Variants in LRRC4C observed in about 807,000 individuals in gnomAD.
LRRC4C encodes leucine rich repeat containing 4C, also known as leucine-rich repeat-containing protein 4C.
Under a neutral mutation model 33.6 loss-of-function variants are expected in LRRC4C, and 5 were observed. That is an observed-to-expected ratio of 0.15 (90% CI 0.08 to 0.31). LRRC4C has a LOEUF of 0.31. Among genes scored for constraint, LRRC4C ranks in the 10% least tolerant of loss-of-function variants. The probability of loss-of-function intolerance (pLI) is 1.00; values close to 1 mark genes in which losing one functional copy is unlikely to be tolerated. For synonymous variants in LRRC4C, 329 were observed against 302.0 expected, an observed-to-expected ratio of 1.09 and a Z score of -0.93; for missense variants, 560 against 796.7, an observed-to-expected ratio of 0.70 and a Z score of 3.58.
intron 2 of LRRC4C, among the ~76,000 whole-genome samples, chr11:40,711,292 G>T (rs1946453676): frequency 6.6e-6 from 1 of 152,166 alleles, no homozygotes; most frequent in Non-Finnish European, 1.5e-5. Context: ...ACTGGGAGCT[G>T]CAGATGGGAG....
chr11:41,009,357 A>C (rs1855004529), intron 1 of LRRC4C, among the ~76,000 whole-genome samples: 1 of 152,188 alleles, frequency 6.6e-6, no homozygotes, highest in South Asian at 2.1e-4. Context: ...CTCTAAACAT[A>C]TTGGATCTGA....
intron 3 of LRRC4C, among the ~76,000 whole-genome samples, chr11:40,604,705 AT>A (rs1288791785): frequency 3.9e-5 from 6 of 152,154 alleles, no homozygotes; most frequent in Admixed American, 3.9e-4. Flanking sequence ...TATTTAATAA[AT>A]ATTCTGCTTG....
intron 1 of LRRC4C, among the ~76,000 whole-genome samples, chr11:40,942,682 T>C (rs1486694342): frequency 6.6e-6 from 1 of 152,074 alleles, no homozygotes; most frequent in African/African-American, 2.4e-5. Flanking sequence ...TAATGTGGGA[T>C]TATTGAAGGA....
intron 5 of LRRC4C, among the ~76,000 whole-genome samples, chr11:40,218,692 A>AATCTATCT (rs3041085): frequency 0.21 from 29,281 of 139,842 alleles, 3,505 homozygotes; most frequent in Non-Finnish European, 0.26. Flanking sequence ...AATGATAAAG[A>AATCTATCT]ATCTATCTAT....
At chr11:40,813,201 T>A (rs1339275383) in intron 2 of LRRC4C, among the ~76,000 whole-genome samples, 1 of 152,182 alleles carries the variant, frequency 6.6e-6, no homozygotes, top group Non-Finnish European at 1.5e-5. Flanking sequence ...TACATGCCTG[T>A]ATTAGTCTGT....
intron 2 of LRRC4C, among the ~76,000 whole-genome samples, chr11:40,749,291 T>C (rs749077893): frequency 1.3e-4 from 20 of 151,986 alleles, no homozygotes; most frequent in Admixed American, 3.3e-4. Flanking sequence ...CACAATGGAA[T>C]AAAATGAGAT....
chr11:40,262,185 C>G (rs567174838), intron 4 of LRRC4C, among the ~76,000 whole-genome samples: 9 of 152,076 alleles, frequency 5.9e-5, no homozygotes, highest in African/African-American at 1.9e-4. Context: ...TTAAGAGACA[C>G]TTCTCAAAAG....
At chr11:40,548,857 T>C (rs1298164544) in intron 3 of LRRC4C, among the ~76,000 whole-genome samples, 1 of 152,180 alleles carries the variant, frequency 6.6e-6, no homozygotes, top group Admixed American at 6.5e-5. Flanking sequence ...GTACTCCCTG[T>C]ACCCACCTGC....
At chr11:40,282,592 A>G (rs1455413407) in intron 4 of LRRC4C, among the ~76,000 whole-genome samples, 1 of 152,170 alleles carries the variant, frequency 6.6e-6, no homozygotes, top group Non-Finnish European at 1.5e-5. Flanking sequence ...TAAACTGGAA[A>G]TAATCTAAAA....
At chr11:40,260,637 G>A (rs549628090) in intron 4 of LRRC4C, among the ~76,000 whole-genome samples, 42 of 152,072 alleles carry the variant, frequency 2.8e-4, no homozygotes, top group South Asian at 1.2e-3. Flanking sequence ...AAAAGCTCCC[G>A]TCCAAGGAGC....
intron 3 of LRRC4C, among the ~76,000 whole-genome samples, chr11:40,627,427 A>G (rs1963061368): frequency 6.6e-6 from 1 of 152,208 alleles, no homozygotes; most frequent in African/African-American, 2.4e-5. Context: ...CAAGCATTGT[A>G]CAAATGAGTG....
chr11:40,328,671 CAA>C (rs1286267454), intron 3 of LRRC4C, among the ~76,000 whole-genome samples: 5 of 152,172 alleles, frequency 3.3e-5, no homozygotes, highest in African/African-American at 1.2e-4. Flanking sequence ...AGTAATCTCA[CAA>C]GTACTTGAGT....
chr11:40,424,104 A>G (rs751717106), intron 3 of LRRC4C, among the ~76,000 whole-genome samples: 7 of 152,230 alleles, frequency 4.6e-5, no homozygotes, highest in Non-Finnish European at 1.0e-4. Context: ...TAAATACATC[A>G]TACAGAGTCA....
intron 3 of LRRC4C, among the ~76,000 whole-genome samples, chr11:40,503,753 A>G (rs1305941707): frequency 6.6e-6 from 1 of 152,192 alleles, no homozygotes; most frequent in Non-Finnish European, 1.5e-5. Flanking sequence ...AGTGAGGATT[A>G]GAGGTAAAGG....
At chr11:41,331,473 C>T (rs1288673649) in intron 1 of LRRC4C, among the ~76,000 whole-genome samples, 3 of 152,054 alleles carry the variant, frequency 2.0e-5, no homozygotes, top group Non-Finnish European at 2.9e-5. Flanking sequence ...GAAAATCACG[C>T]CAAGTATTAT....
Position 41,110,268 on chromosome 11 carries a change from G to A in LRRC4C, c.-495-176545C>T, listed in dbSNP as rs577787243. Among the ~76,000 whole-genome samples, 7 of 152,012 alleles carry A rather than the reference G, an allele frequency of 4.6e-5. No individual in the cohort carries two copies. The East Asian group carries it at 1.4e-3, about 29-fold the overall frequency. On this transcript the variant is annotated intron_variant, in intron 1 of 6. Coordinates refer to ENST00000528697, the MANE Select transcript of LRRC4C (RefSeq NM_001258419.2). ...GACATAATATTATTTACTACATGTG[G>A]CTATTGAGATGATTTAATGACTTAA...
rs371011627 is a variant in LRRC4C at position 40,285,671 on chromosome 11, C to T, written c.-176+33957G>A. 8.5e-5 allele frequency among the ~76,000 whole-genome samples: 13 copies of T among 152,090 alleles called. No homozygotes were observed. The East Asian group carries it at 1.5e-3, about 18-fold the overall frequency. On this transcript the variant is annotated intron_variant, in intron 4 of 6. Transcript: ENST00000528697. ...AAATGACTGAGGACTGACAAATATA[C>T]GGAAGGTATATGTGACCTAAGCAGC...
intron 1 of LRRC4C, among the ~76,000 whole-genome samples, chr11:41,060,541 G>T (rs1186931322): frequency 6.6e-6 from 1 of 152,104 alleles, no homozygotes; most frequent in Non-Finnish European, 1.5e-5. Flanking sequence ...CATATGGAGA[G>T]AAAATTATCT....
intron 1 of LRRC4C, among the ~76,000 whole-genome samples, chr11:41,038,855 G>C (rs996262): frequency 0.63 from 95,242 of 151,940 alleles, 30,209 homozygotes; most frequent in South Asian, 0.67. Context: ...GAAAAAACAA[G>C]AGGAAAGAGA....
Sources: gnomAD v4.1 joint callset for allele counts (sites outside exome capture counted in the v4.1 genomes callset) on GRCh38, gnomAD v4.1.1 for gene constraint, MANE v1.5 for transcripts, NCBI Gene and HGNC (gene_info 2026-07-23, HGNC 2026-07-21) for gene names.